OLFML2B: variants seen among roughly 807,000 people sequenced by gnomAD.
OLFML2B encodes olfactomedin like 2B, also known as olfactomedin-like protein 2B.
OLFML2B carries 57 observed loss-of-function variants against 74.9 expected under a neutral mutation model. The ratio of observed to expected loss-of-function variants is 0.76; its 90% confidence interval spans 0.61 to 0.95. The LOEUF (loss-of-function observed/expected upper bound fraction) is 0.95. Among genes scored for constraint, OLFML2B ranks in the 40% least tolerant of loss-of-function variants. OLFML2B has a pLI of 0.00. For missense variants in OLFML2B, 986 were observed against 970.6 expected (o/e 1.02, Z -0.21); for synonymous variants, 388 against 405.8 (o/e 0.96, Z 0.53).
chr1:161,999,089 T>G (rs1297832849), intron 5 of OLFML2B, among the ~76,000 whole-genome samples: 2 of 152,142 alleles, frequency 1.3e-5, no homozygotes, highest in African/African-American at 4.8e-5. Context: ...ATGCATGACT[T>G]AGAGGCTGTG....
intron 4 of OLFML2B, among the ~76,000 whole-genome samples, chr1:162,003,448 C>T (rs1160119904): frequency 6.6e-6 from 1 of 152,234 alleles, no homozygotes; most frequent in East Asian, 1.9e-4. Context: ...GCAGTGCTTT[C>T]TCCCAGCCAA....
intron 6 of OLFML2B, among the ~76,000 whole-genome samples, chr1:161,994,144 G>C (rs775322370): frequency 6.6e-6 from 1 of 152,258 alleles, no homozygotes; most frequent in Non-Finnish European, 1.5e-5. Context: ...CATCAGCAAA[G>C]AGACTGAGAC....
At position 161,998,157 on chromosome 1, in the gene OLFML2B, GA is replaced by G; in HGVS notation, c.1141del (p.Ser381GlnfsTer63). 6.2e-7 allele frequency: 1 copy of G among 1,614,130 alleles called. No individual in the cohort carries two copies. The highest frequency in any genetic ancestry group is 1.3e-5 in the African/African-American group (1 of 75,046). ...WSSALPQPST[S>X]DPSIANHASV... ...GGCATGGTTGGCGATGCTGGGATCT[GA>G]GGTCGAGGGCTGTGGCAGTGCTGAG... On this transcript the variant is annotated frameshift_variant, in exon 6 of 8. Transcript: ENST00000294794. LOFTEE classifies it high-confidence loss of function.
intron 6 of OLFML2B, among the ~76,000 whole-genome samples, chr1:161,994,083 G>A (rs1689819679): frequency 6.6e-6 from 1 of 152,260 alleles, no homozygotes; most frequent in Non-Finnish European, 1.5e-5. Flanking sequence ...AGAGGCCCCT[G>A]TGTTATACGA....
At chr1:162,009,842 C>T (rs1313455954) in intron 3 of OLFML2B, among the ~76,000 whole-genome samples, 2 of 152,176 alleles carry the variant, frequency 1.3e-5, no homozygotes, top group East Asian at 3.9e-4. Context: ...GCGCTTCTCA[C>T]ACCAAAGGCC....
intron 3 of OLFML2B, among the ~76,000 whole-genome samples, 165 bp from the exon 4 acceptor site, chr1:162,006,638 C>A (rs111306209): frequency 6.6e-6 from 1 of 152,004 alleles, no homozygotes; most frequent in African/African-American, 2.4e-5. Flanking sequence ...GGCTGAGCAC[C>A]GGTACCAGGT....
At chr1:161,989,683 G>A (rs143202196) in intron 6 of OLFML2B, among the ~76,000 whole-genome samples, 12 of 152,286 alleles carry the variant, frequency 7.9e-5, no homozygotes, top group African/African-American at 2.4e-4. Context: ...CCTCGAACTT[G>A]TATTTTATGT....
intron 6 of OLFML2B, among the ~76,000 whole-genome samples, chr1:161,986,154 G>A (rs1271140497): frequency 1.3e-5 from 2 of 152,132 alleles, no homozygotes; most frequent in Non-Finnish European, 2.9e-5. Flanking sequence ...GGCAGCTGGG[G>A]CCAGCAGAAC....
At chr1:161,995,333 C>T (rs371782740) in intron 6 of OLFML2B, among the ~76,000 whole-genome samples, 22 of 152,184 alleles carry the variant, frequency 1.4e-4, no homozygotes, top group South Asian at 2.1e-4. Flanking sequence ...AGGTGAGAAC[C>T]CCAGCTCCTC....
chr1:161,993,018 G>T (rs569384465), intron 6 of OLFML2B, among the ~76,000 whole-genome samples: 302 of 151,740 alleles, frequency 2.0e-3, no homozygotes, highest in Middle Eastern at 0.01. Flanking sequence ...ATAAGATGGG[G>T]CATGCCTGTA....
intron 6 of OLFML2B, chr1:161,985,332 T>C (rs1429320935): frequency 5.5e-6 from 1 of 180,310 alleles, no homozygotes; most frequent in Admixed American, 6.2e-5. Context: ...CATTCAGCTC[T>C]CAGGGTACCA....
intron 2 of OLFML2B, 88 bp downstream of exon 2, chr1:162,019,831 G>A: frequency 6.7e-7 from 1 of 1,498,264 alleles, no homozygotes; most frequent in Non-Finnish European, 9.0e-7. Flanking sequence ...TCTTCAAAGG[G>A]CTTAGAATCT....
intron 6 of OLFML2B, among the ~76,000 whole-genome samples, chr1:161,991,140 G>A (rs1263584328): frequency 6.6e-6 from 1 of 152,134 alleles, no homozygotes; most frequent in Non-Finnish European, 1.5e-5. Flanking sequence ...CCAAACTCCT[G>A]TTAATGTTGA....
rs369342795 is a variant in OLFML2B at position 162,000,173 on chromosome 1, G to C, written c.889C>G (p.Arg297Gly). The C allele has an allele frequency of 7.4e-6, 12 of 1,613,356 alleles. No individual in the cohort carries two copies. Among genetic ancestry groups the C allele is most frequent in the African/African-American group, 2.7e-5 (2 of 74,908 alleles). ...TTGGCTTTATAGTAGGTGATGCCCC[G>C]GATGACAGTGGGCTGGGAGGCCGGC... Reference protein sequence around the residue: ...GRPASQPTVIRGITYYKAKVS... With the variant: ...GRPASQPTVIGGITYYKAKVS... Residue 297 changes from arginine (R) to glycine (G), a missense_variant, in exon 5 of 8, where the codon CGG (arginine) becomes GGG (glycine). Transcript: ENST00000294794.
intron 2 of OLFML2B, among the ~76,000 whole-genome samples, chr1:162,017,864 A>G (rs1008592978): frequency 1.3e-5 from 2 of 152,228 alleles, no homozygotes; most frequent in African/African-American, 4.8e-5. Context: ...TCTCAATAGC[A>G]AAGACATGGA....
chr1:161,994,301 G>A (rs762814720), intron 6 of OLFML2B, among the ~76,000 whole-genome samples: 2 of 152,266 alleles, frequency 1.3e-5, no homozygotes, highest in Admixed American at 6.5e-5. Flanking sequence ...TCCCTGACAC[G>A]AGACAGGCAG....
chr1:161,985,482 C>T (rs1689568191), intron 6 of OLFML2B, among the ~76,000 whole-genome samples: 1 of 152,230 alleles, frequency 6.6e-6, no homozygotes, highest in South Asian at 2.1e-4. Flanking sequence ...ATTGCATTCT[C>T]AGTGCTCAGA....
Position 161,984,857 on chromosome 1 carries a change from T to C in OLFML2B, c.1598A>G (p.Tyr533Cys). ...AKDERIYVTN[Y>C]YYGNTLVEFR... ...CTCTACCAGGGTGTTGCCGTAGTAATAGTTGGTTACGTAAATCCGCTCATC... is the reference window on the plus strand; with the variant it reads ...CTCTACCAGGGTGTTGCCGTAGTAACAGTTGGTTACGTAAATCCGCTCATC... Residue 533 changes from tyrosine (Y) to cysteine (C), a missense_variant, in exon 7 of 8, where the codon TAT (tyrosine) becomes TGT (cysteine). Coordinates refer to ENST00000294794, the MANE Select transcript of OLFML2B (RefSeq NM_015441.3). 1.9e-6 allele frequency: 3 copies of C among 1,613,180 alleles called. No homozygotes were observed. Among genetic ancestry groups the C allele is most frequent in the Middle Eastern group, 1.6e-4 (1 of 6,080 alleles).
chr1:162,006,028 T>C (rs763548663), intron 4 of OLFML2B, among the ~76,000 whole-genome samples: 1 of 151,160 alleles, frequency 6.6e-6, no homozygotes, highest in East Asian at 2.0e-4. Flanking sequence ...AAAGGTGGGA[T>C]ATCAGATCTT....
Sources: allele counts gnomAD v4.1 joint callset (sites outside exome capture counted in the v4.1 genomes callset), GRCh38; gene constraint gnomAD v4.1.1; transcripts MANE v1.5; gene names NCBI Gene and HGNC (gene_info 2026-07-23, HGNC 2026-07-21).